CCDC150: variants seen among roughly 807,000 people sequenced by gnomAD.
CCDC150 encodes coiled-coil domain containing 150.
In CCDC150, 151 loss-of-function variants were observed where a neutral mutation model predicts 156.5. The ratio of observed to expected loss-of-function variants is 0.97; its 90% CI spans 0.85 to 1.10. CCDC150 has a LOEUF of 1.10. CCDC150 is among the 50% of genes least tolerant of loss of function. The pLI, the probability that CCDC150 is intolerant of heterozygous loss-of-function variation, is 0.00. For missense variants in CCDC150, 1,312 were observed against 1,268.1 expected (o/e 1.03, Z -0.53); for synonymous variants, 452 against 429.4 (o/e 1.05, Z -0.65).
chr2:196,708,811 C>T (rs549358479), intron 15 of CCDC150, among the ~76,000 whole-genome samples: 1 of 152,278 alleles, frequency 6.6e-6, no homozygotes, highest in East Asian at 1.9e-4. Flanking sequence ...AAATTCTTTT[C>T]TTTAAGAATG....
At chr2:196,669,791 C>T in intron 7 of CCDC150, 42 bp from the exon 8 acceptor site, 1 of 1,334,616 alleles carries the variant, frequency 7.5e-7, no homozygotes, top group South Asian at 1.2e-5. Context: ...TTTAATGTAG[C>T]AAGTTACTAT....
chr2:196,715,858 A>C (rs1388121529), intron 17 of CCDC150, among the ~76,000 whole-genome samples: 1 of 152,190 alleles, frequency 6.6e-6, no homozygotes, highest in Non-Finnish European at 1.5e-5. Context: ...AAAAATGATA[A>C]ATTGGAGTTT....
intron 2 of CCDC150, among the ~76,000 whole-genome samples, chr2:196,648,355 G>C (rs186034525): frequency 2.0e-5 from 3 of 151,952 alleles, no homozygotes; most frequent in Non-Finnish European, 4.4e-5. Flanking sequence ...TTTTCTCACC[G>C]TGGTTTTAAT....
intron 13 of CCDC150, 115 bp downstream of exon 13, chr2:196,677,476 G>A (rs1367115952): frequency 2.8e-6 from 2 of 714,010 alleles, no homozygotes; most frequent in Non-Finnish European, 4.8e-6. Context: ...GCAGGGAAAG[G>A]AGAGCTATGA....
chr2:196,650,261 A>G (rs1423878685), intron 2 of CCDC150, among the ~76,000 whole-genome samples: 1 of 152,206 alleles, frequency 6.6e-6, no homozygotes, highest in African/African-American at 2.4e-5. Context: ...TATAATTTTT[A>G]TCCTTCATTC....
Position 196,713,452 on chromosome 2 carries a change from G to A in CCDC150, c.1866+713G>A, listed in dbSNP as rs577551949. ...ATGTAAACAGTATAAAGGAAAGAAC[G>A]TCATCAGTTGGTTTGCCTAGTGTTA... On this transcript the variant is annotated intron_variant, in intron 17 of 27. Coordinates refer to ENST00000389175, the MANE Select transcript of CCDC150 (RefSeq NM_001080539.2). 2.0e-5 allele frequency: 31 copies of A among 1,550,776 alleles called. No homozygotes were observed. The African/African-American group carries it at 2.6e-4, about 13-fold the overall frequency.
intron 15 of CCDC150, among the ~76,000 whole-genome samples, chr2:196,705,121 A>G (rs1696524728): frequency 6.6e-6 from 1 of 152,204 alleles, no homozygotes; most frequent in Non-Finnish European, 1.5e-5. Flanking sequence ...TCCTTGAGGA[A>G]TCACCACACT....
chr2:196,658,728 A>T, intron 4 of CCDC150, 64 bp from the exon 5 acceptor site: 1 of 1,200,406 alleles, frequency 8.3e-7, no homozygotes, highest in Non-Finnish European at 1.2e-6. Context: ...GATCTGATAT[A>T]CCTATAGACA....
chr2:196,654,609 C>G (rs1173170223), intron 2 of CCDC150, among the ~76,000 whole-genome samples: 1 of 151,970 alleles, frequency 6.6e-6, no homozygotes, highest in East Asian at 1.9e-4. Flanking sequence ...TTTATACTTT[C>G]TTACTCTCTT....
rs7573972 is a variant in CCDC150 at position 196,683,054 on chromosome 2, A to G, written c.1509+5693A>G. Among the ~76,000 whole-genome samples the G allele has an allele frequency of 5.3e-3, 807 of 152,090 alleles. 4 individuals carry two copies. The highest frequency in any genetic ancestry group is 0.019 in the African/African-American group (775 of 41,528). On this transcript the variant is annotated intron_variant, in intron 13 of 27. Coordinates refer to ENST00000389175, the MANE Select transcript of CCDC150 (RefSeq NM_001080539.2). ...TGCCTGATAGAATCTCCAGTGCAGT[A>G]TTGAATAGAATTGGTGAGAGCAGAC...
intron 21 of CCDC150, 52 bp from the exon 22 acceptor site, chr2:196,725,921 C>A: frequency 6.6e-7 from 1 of 1,524,074 alleles, no homozygotes; most frequent in Non-Finnish European, 8.8e-7. Context: ...AACTTTCTTA[C>A]CTCCTAAAAT....
At chr2:196,731,777 C>T (rs1235329865) in intron 26 of CCDC150, among the ~76,000 whole-genome samples, 1 of 152,094 alleles carries the variant, frequency 6.6e-6, no homozygotes, top group African/African-American at 2.4e-5. Context: ...CCTGGGTCCT[C>T]TCTTACATTA....
At chr2:196,669,964 C>G in intron 8 of CCDC150, 88 bp downstream of exon 8, 1 of 936,556 alleles carries the variant, frequency 1.1e-6, no homozygotes, top group Non-Finnish European at 1.6e-6. Flanking sequence ...TACAGTGCTT[C>G]TTACTCTCAT....
chr2:196,731,391 CTTT>C (rs11314304), intron 26 of CCDC150, among the ~76,000 whole-genome samples: 5 of 133,286 alleles, frequency 3.8e-5, no homozygotes, highest in Admixed American at 7.5e-5. Context: ...TCAAATCATA[CTTT>C]TTTTTTTTTT....
At chr2:196,639,820 G>C (rs760012967) in intron 1 of CCDC150, 42 bp downstream of exon 1, 86 of 1,560,478 alleles carry the variant, frequency 5.5e-5, no homozygotes, top group Non-Finnish European at 7.3e-5. Context: ...GTGGTCGGAG[G>C]CTCGCGAGGC....
chr2:196,706,338 C>T (rs1335594384), intron 15 of CCDC150, among the ~76,000 whole-genome samples: 1 of 152,140 alleles, frequency 6.6e-6, no homozygotes, highest in East Asian at 1.9e-4. Flanking sequence ...TATAGGAATG[C>T]TTGTGATTTT....
chr2:196,667,028 T>C, intron 7 of CCDC150, 180 bp downstream of exon 7: 1 of 631,702 alleles, frequency 1.6e-6, no homozygotes, highest in South Asian at 2.1e-5. Flanking sequence ...GGATTGTTGT[T>C]AATAATATAT....
intron 2 of CCDC150, among the ~76,000 whole-genome samples, chr2:196,653,401 A>T (rs180851954): frequency 6.6e-6 from 1 of 152,214 alleles, no homozygotes. Flanking sequence ...CTTCTGCTGG[A>T]TACCCTAGGA....
In CCDC150 at chr2:196,732,501, A is replaced by C; in HGVS notation, c.3245A>C (p.Glu1082Ala). ...MSNQSVLHRW[E>A]RKQNLRPMPK... ...AACCAATCTGTTCTGCATCGATGGG[A>C]GAGAAAACAGAATCTTAGGCCCATG... The change falls in exon 28 of 28, where the codon GAG becomes GCG. Residue 1082 changes from glutamate (E) to alanine (A), a missense_variant. Glu to Ala is a moderately radical substitution (Grantham distance 107). Coordinates refer to ENST00000389175, the MANE Select transcript of CCDC150 (RefSeq NM_001080539.2). 6.2e-7 allele frequency: 1 copy of C among 1,613,840 alleles called. No homozygotes were observed. Among genetic ancestry groups the C allele is most frequent in the Non-Finnish European group, 8.5e-7 (1 of 1,179,782 alleles).
Sources: allele counts gnomAD v4.1 joint callset (sites outside exome capture counted in the v4.1 genomes callset), GRCh38; gene constraint gnomAD v4.1.1; transcripts MANE v1.5; gene names NCBI Gene and HGNC (gene_info 2026-07-23, HGNC 2026-07-21).